AIG1: variants seen among roughly 807,000 people sequenced by gnomAD.
AIG1 encodes the protein androgen induced 1.
A neutral mutation model predicts 31.4 loss-of-function variants in AIG1; 23 were observed. That is an observed-to-expected ratio of 0.73 (90% CI 0.53 to 1.04). The LOEUF is 1.04. AIG1 is among the 50% of genes least tolerant of loss of function. The probability of loss-of-function intolerance (pLI) is 0.00; values close to 1 mark genes in which losing one functional copy is unlikely to be tolerated. For missense variants in AIG1, 274 were observed against 295.0 expected (o/e 0.93, Z 0.52); for synonymous variants, 100 against 110.5 (o/e 0.90, Z 0.60).
chr6:143,262,939 A>G (rs779501866), intron 3 of AIG1, among the ~76,000 whole-genome samples: 10 of 152,178 alleles, frequency 6.6e-5, no homozygotes, highest in South Asian at 2.1e-4. Context: ...ATAAATCTGC[A>G]TAGCCATCCT....
chr6:143,238,845 G>A (rs1002567221), intron 3 of AIG1, among the ~76,000 whole-genome samples: 3 of 152,220 alleles, frequency 2.0e-5, no homozygotes, highest in African/African-American at 7.2e-5. Flanking sequence ...TTGCCACTAA[G>A]AGACTCCTAT....
intron 3 of AIG1, among the ~76,000 whole-genome samples, chr6:143,252,425 G>A (rs900040040): frequency 2.0e-5 from 3 of 152,082 alleles, no homozygotes; most frequent in East Asian, 1.9e-4. Context: ...TTCTCTTAAC[G>A]CACAGTACAG....
chr6:143,098,784 C>G (rs1259786304), intron 1 of AIG1, among the ~76,000 whole-genome samples: 4 of 152,168 alleles, frequency 2.6e-5, no homozygotes, highest in African/African-American at 9.7e-5. Context: ...GTATGTTGTT[C>G]TTATGGATTA....
chr6:143,165,374 G>T (rs149932444), intron 3 of AIG1, among the ~76,000 whole-genome samples, 191 bp downstream of exon 3: 1 of 152,168 alleles, frequency 6.6e-6, no homozygotes, highest in African/African-American at 2.4e-5. Flanking sequence ...CCCATGGAAT[G>T]GAGTCATTAT....
At chr6:143,295,495 G>C (rs977702997) in intron 4 of AIG1, among the ~76,000 whole-genome samples, 12 of 152,092 alleles carry the variant, frequency 7.9e-5, no homozygotes, top group Admixed American at 1.3e-4. Flanking sequence ...CCTTTTGCTT[G>C]CTAGCTCCAG....
chr6:143,252,222 C>T (rs559887047), intron 3 of AIG1, among the ~76,000 whole-genome samples: 8 of 152,262 alleles, frequency 5.3e-5, no homozygotes, highest in Admixed American at 2.0e-4. Flanking sequence ...CATGTTCAAG[C>T]GATTCTCCCG....
rs140797548 is a variant in AIG1, at chr6:143,103,003, A to G, written c.142-33832A>G. Among the ~76,000 whole-genome samples, 433 of 152,364 alleles carry G rather than the reference A, an allele frequency of 2.8e-3. 7 individuals carry two copies. Among genetic ancestry groups the G allele is most frequent in the African/African-American group, 0.01 (416 of 41,584 alleles). ...AGGAAATGGATATTAGAGTACAATC[A>G]TTACTAGAGAATCTGTTCTTCCAGA... On this transcript the variant is annotated intron_variant, in intron 1 of 5. Coordinates refer to ENST00000357847, the MANE Select transcript of AIG1 (RefSeq NM_016108.4).
intron 3 of AIG1, among the ~76,000 whole-genome samples, chr6:143,247,376 C>T (rs1423209161): frequency 1.3e-5 from 2 of 152,206 alleles, no homozygotes; most frequent in Non-Finnish European, 2.9e-5. Flanking sequence ...ATAATCCACC[C>T]GCCTCAGCCT....
chr6:143,228,380 TGTA>T (rs1793179491), intron 3 of AIG1, among the ~76,000 whole-genome samples: 1 of 152,146 alleles, frequency 6.6e-6, no homozygotes, highest in South Asian at 2.1e-4. Context: ...GGAGTTAAGT[TGTA>T]CAAAATGTGG....
At chr6:143,117,381 A>G (rs1380327461) in intron 1 of AIG1, among the ~76,000 whole-genome samples, 1 of 152,162 alleles carries the variant, frequency 6.6e-6, no homozygotes, top group Non-Finnish European at 1.5e-5. Context: ...GACCAATGAG[A>G]TAGCAGTAGA....
intron 2 of AIG1, 139 bp downstream of exon 2, chr6:143,137,129 T>C: frequency 2.2e-6 from 2 of 917,104 alleles, no homozygotes; most frequent in Non-Finnish European, 2.9e-6. Flanking sequence ...ACAGATGCGG[T>C]GGCTTAAACA....
intron 4 of AIG1, among the ~76,000 whole-genome samples, chr6:143,303,424 A>C (rs1280432452): frequency 8.4e-6 from 1 of 119,056 alleles, no homozygotes; most frequent in Non-Finnish European, 1.8e-5. Flanking sequence ...GAAGGGATCC[A>C]GTTTCAGCTT....
rs935942920 is a variant in AIG1 at position 143,175,772 on chromosome 6, G to A, written c.399+10589G>A. Among the ~76,000 whole-genome samples the A allele has an allele frequency of 5.0e-4, 76 of 152,168 alleles. 1 individual carries two copies. The highest frequency in any genetic ancestry group is 2.5e-4 in the Non-Finnish European group (17 of 68,002). ...CCTTTCTCTGGTGTGTCCTTGATTA[G>A]CTTAATAATTGACCTTCTGAATTCT... On this transcript the variant is annotated intron_variant, in intron 3 of 5. Coordinates refer to ENST00000357847, the MANE Select transcript of AIG1 (RefSeq NM_016108.4).
At chr6:143,123,229 C>T (rs900175014) in intron 1 of AIG1, among the ~76,000 whole-genome samples, 1 of 152,130 alleles carries the variant, frequency 6.6e-6, no homozygotes, top group Admixed American at 6.5e-5. Context: ...ATACTACATC[C>T]CAGATGTGTG....
intron 1 of AIG1, among the ~76,000 whole-genome samples, chr6:143,096,537 CTTCTT>C (rs938501227): frequency 2.6e-5 from 4 of 152,180 alleles, no homozygotes; most frequent in Non-Finnish European, 5.9e-5. Context: ...GATGGCTTCT[CTTCTT>C]GCTCTTAAAT....
intron 3 of AIG1, among the ~76,000 whole-genome samples, chr6:143,190,892 C>T (rs905586349): frequency 1.3e-5 from 2 of 152,160 alleles, no homozygotes; most frequent in African/African-American, 2.4e-5. Flanking sequence ...ATTGAAGTTG[C>T]ATTAATGTTG....
chr6:143,332,771 T>C (rs1777182319), intron 4 of AIG1, among the ~76,000 whole-genome samples: 1 of 152,186 alleles, frequency 6.6e-6, no homozygotes, highest in Non-Finnish European at 1.5e-5. Context: ...CATGACCAGA[T>C]TGTTTAACAG....
intron 1 of AIG1, among the ~76,000 whole-genome samples, chr6:143,100,663 A>T (rs908634764): frequency 1.3e-5 from 2 of 152,056 alleles, no homozygotes; most frequent in African/African-American, 2.4e-5. Flanking sequence ...AGAAGATAGT[A>T]ATATAGTCAT....
chr6:143,247,139 ATT>A (rs34692750), intron 3 of AIG1, among the ~76,000 whole-genome samples: 20 of 150,162 alleles, frequency 1.3e-4, no homozygotes, highest in South Asian at 6.3e-4. Context: ...GGTGTCCAAG[ATT>A]TTTTTTTTTT....
Sources: allele counts gnomAD v4.1 joint callset (sites outside exome capture counted in the v4.1 genomes callset), GRCh38; gene constraint gnomAD v4.1.1; transcripts MANE v1.5; gene names NCBI Gene and HGNC (gene_info 2026-07-23, HGNC 2026-07-21).